Variants in ITPR2 observed in about 807,000 individuals in gnomAD.
ITPR2 encodes the protein inositol 1,4,5-trisphosphate-gated calcium channel ITPR2.
A neutral mutation model predicts 317.1 loss-of-function variants in ITPR2; 207 were observed. That is an observed-to-expected ratio of 0.65 (90% CI 0.58 to 0.73). The LOEUF (loss-of-function observed/expected upper bound fraction) is 0.73. Ranked by LOEUF, ITPR2 falls within the 30% of genes least tolerant of loss-of-function variation. The probability of loss-of-function intolerance (pLI) is 0.00; values close to 1 mark genes in which losing one functional copy is unlikely to be tolerated. For synonymous variants in ITPR2, 1,156 were observed against 1,149.1 expected (o/e 1.01, Z -0.12); for missense variants, 2,613 against 3,284.0 (o/e 0.80, Z 4.99).
intron 10 of ITPR2, among the ~76,000 whole-genome samples, chr12:26,691,647 G>A (rs548612603): frequency 4.7e-4 from 71 of 152,198 alleles, no homozygotes; most frequent in African/African-American, 1.4e-3. Context: ...TTCTCCTGCC[G>A]TCCTGGGGCC....
At position 26,639,304 on chromosome 12, in the gene ITPR2, A is replaced by G. The variant is rs112977865; in HGVS notation, c.2741-7245T>C. ...ACCAAACAAAAAAGACCTAATAATT[A>G]GAGCTATGAAAAATAAGAAAGGCCT... On this transcript the variant is annotated intron_variant, in intron 21 of 56. Transcript: ENST00000381340. Among the ~76,000 whole-genome samples the G allele has an allele frequency of 3.7e-3, 557 of 152,282 alleles. 1 individual carries two copies. Among genetic ancestry groups the G allele is most frequent in the Admixed American group, 6.4e-3 (98 of 15,302 alleles).
At chr12:26,466,364 C>T (rs1256724573) in intron 45 of ITPR2, among the ~76,000 whole-genome samples, 3 of 152,214 alleles carry the variant, frequency 2.0e-5, no homozygotes, top group Non-Finnish European at 4.4e-5. Flanking sequence ...CAATTATACT[C>T]TTGGTTACCA....
rs1937994487 is a variant in ITPR2 at position 26,338,486 on chromosome 12, CA to C, written c.*910del. 1 of 152,592 alleles carries C rather than the reference CA, an allele frequency of 6.6e-6. No individual in the cohort carries two copies. Among genetic ancestry groups the C allele is most frequent in the African/African-American group, 2.4e-5 (1 of 41,440 alleles). 9.5% of individuals were successfully genotyped at this position (152,592 alleles called of 1,614,324 possible). On this transcript the variant is annotated 3_prime_UTR_variant, in exon 57 of 57. Coordinates refer to ENST00000381340, the MANE Select transcript of ITPR2 (RefSeq NM_002223.4). ...ACGTTGAGTCAAATGGCTTTCACTC[CA>C]TGTTTATAAAAGGCAATGCCACCAT...
At chr12:26,449,281 C>T (rs1013265500) in intron 45 of ITPR2, among the ~76,000 whole-genome samples, 5 of 152,090 alleles carry the variant, frequency 3.3e-5, no homozygotes, top group African/African-American at 9.7e-5. Context: ...AATACAATGC[C>T]TTCATGTCAA....
At chr12:26,764,051 A>G (rs1949679125) in intron 2 of ITPR2, among the ~76,000 whole-genome samples, 1 of 152,154 alleles carries the variant, frequency 6.6e-6, no homozygotes, top group African/African-American at 2.4e-5. Context: ...ATAGACTTAC[A>G]TAAAAATATC....
At chr12:26,512,143 C>A (rs1275785657) in intron 37 of ITPR2, among the ~76,000 whole-genome samples, 5 of 150,586 alleles carry the variant, frequency 3.3e-5, no homozygotes, top group Non-Finnish European at 5.9e-5. Flanking sequence ...GTCAGGCAAA[C>A]CTGCCTCCCA....
intron 49 of ITPR2, among the ~76,000 whole-genome samples, chr12:26,420,598 C>T (rs1940859600): frequency 6.6e-6 from 1 of 152,066 alleles, no homozygotes; most frequent in Non-Finnish European, 1.5e-5. Flanking sequence ...AATTTCTCCC[C>T]TGCTGATTAA....
At chr12:26,502,660 G>A (rs547005970) in intron 37 of ITPR2, among the ~76,000 whole-genome samples, 1 of 152,312 alleles carries the variant, frequency 6.6e-6, no homozygotes, top group Admixed American at 6.5e-5. Context: ...GTTGCTGAGT[G>A]GGGGGTAAGG....
At chr12:26,790,091 CT>C (rs1950317177) in intron 2 of ITPR2, 65 bp downstream of exon 2, 1 of 1,035,394 alleles carries the variant, frequency 9.7e-7, no homozygotes. Flanking sequence ...ACATTACTTA[CT>C]TTGAGACATA....
intron 50 of ITPR2, among the ~76,000 whole-genome samples, chr12:26,418,643 G>A (rs1940798245): frequency 6.6e-6 from 1 of 151,766 alleles, no homozygotes; most frequent in Non-Finnish European, 1.5e-5. Context: ...TATTCTAAAG[G>A]TACACATAAT....
rs569928603 is a variant in ITPR2 at position 26,719,657 on chromosome 12, G to T, written c.525+2740C>A. Among the ~76,000 whole-genome samples the T allele has an allele frequency of 8.5e-5, 13 of 152,186 alleles. No homozygotes were observed. In the South Asian group the frequency reaches 2.7e-3, roughly 32 times the overall value. ...TAGGGTACATGTGCACAACGTGCAG[G>T]TTTGTTACATATGTATACATGTGTC... is the stretch of plus-strand genomic sequence containing the variant. On this transcript the variant is annotated intron_variant, in intron 5 of 56. Coordinates refer to ENST00000381340, the MANE Select transcript of ITPR2 (RefSeq NM_002223.4).
At chr12:26,538,244 T>A (rs184485738) in intron 37 of ITPR2, among the ~76,000 whole-genome samples, 243 of 152,218 alleles carry the variant, frequency 1.6e-3, no homozygotes, top group African/African-American at 5.6e-3. Context: ...ATTGTTAAAC[T>A]AACAACAGAG....
At chr12:26,564,865 A>C (rs1944907015) in intron 34 of ITPR2, among the ~76,000 whole-genome samples, 1 of 152,210 alleles carries the variant, frequency 6.6e-6, no homozygotes, top group African/African-American at 2.4e-5. Flanking sequence ...TGTTGTTTTA[A>C]GCTACACAGT....
intron 55 of ITPR2, among the ~76,000 whole-genome samples, chr12:26,378,066 A>G (rs1041193213): frequency 6.6e-6 from 1 of 152,052 alleles, no homozygotes; most frequent in Non-Finnish European, 1.5e-5. Flanking sequence ...AGTGCCTACT[A>G]TATACTGGGC....
At chr12:26,469,527 T>C (rs1352919786) in intron 45 of ITPR2, among the ~76,000 whole-genome samples, 3 of 152,190 alleles carry the variant, frequency 2.0e-5, no homozygotes, top group African/African-American at 4.8e-5. Context: ...CAATCTCTAA[T>C]AGCCTCTAGT....
intron 15 of ITPR2, among the ~76,000 whole-genome samples, chr12:26,662,497 C>T (rs1947524988): frequency 6.6e-6 from 1 of 152,216 alleles, no homozygotes; most frequent in Non-Finnish European, 1.5e-5. Flanking sequence ...GCCCTTCCAG[C>T]CCTCTCCCAC....
intron 2 of ITPR2, among the ~76,000 whole-genome samples, chr12:26,779,628 T>G (rs1266327620): frequency 6.6e-6 from 1 of 152,166 alleles, no homozygotes; most frequent in Non-Finnish European, 1.5e-5. Context: ...GGTTCGCAGA[T>G]AGTTATGCCC....
intron 13 of ITPR2, among the ~76,000 whole-genome samples, chr12:26,680,558 T>C: frequency 6.6e-6 from 1 of 152,302 alleles, no homozygotes; most frequent in African/African-American, 2.4e-5. Context: ...ACTCAGAAAC[T>C]GATAGATAAA....
At chr12:26,824,702 A>G in intron 1 of ITPR2, among the ~76,000 whole-genome samples, 1 of 152,246 alleles carries the variant, frequency 6.6e-6, no homozygotes, top group East Asian at 1.9e-4. Context: ...AAACTGGGAA[A>G]TACAGAAGAA....
Sources: allele counts gnomAD v4.1 joint callset (sites outside exome capture counted in the v4.1 genomes callset), GRCh38; gene constraint gnomAD v4.1.1; transcripts MANE v1.5; gene names NCBI Gene and HGNC (gene_info 2026-07-23, HGNC 2026-07-21).